CRMP1: variants seen among roughly 807,000 people sequenced by gnomAD.
The protein encoded by CRMP1 is dihydropyrimidinase-related protein 1.
A neutral mutation model predicts 68.3 loss-of-function variants in CRMP1; 19 were observed. The ratio of observed to expected loss-of-function variants is 0.28; its 90% confidence interval spans 0.19 to 0.41. The LOEUF is 0.41. Ranked by LOEUF, CRMP1 falls within the 10% of genes least tolerant of loss-of-function variation. CRMP1 has a pLI of 1.00. For missense variants in CRMP1, 791 were observed against 967.4 expected (o/e 0.82, Z 2.42); for synonymous variants, 439 against 399.6 (o/e 1.10, Z -1.18).
In CRMP1 at chr4:5,890,853, A is replaced by G. The variant is rs1715909509; in HGVS notation, c.381+1736T>C. ...TCCTTGGGACAGCTACGGGCCGTGC[A>G]CAAAGCGCCCTCGCCTCCCTAGTAC... On this transcript the variant is annotated intron_variant, in intron 1 of 13. Transcript: ENST00000324989. This position sits in a 1 kb window ranked among gnomAD's most constrained non-coding sequence, Gnocchi z 5.5. Among the ~76,000 whole-genome samples the G allele has an allele frequency of 6.6e-6, 1 of 152,114 alleles. No individual in the cohort carries two copies. The highest frequency in any genetic ancestry group is 2.1e-4 in the South Asian group (1 of 4,828).
Position 5,860,893 on chromosome 4 carries a change from A to G in CRMP1, c.655+133T>C. 1.2e-6 allele frequency: 1 copy of G among 865,586 alleles called. No individual in the cohort carries two copies. The highest frequency in any genetic ancestry group is 2.8e-5 in the Admixed American group (1 of 35,202). The allele number at this position is 865,586 out of a possible 1,614,324, so 53.6% of individuals were successfully genotyped here. A position where few individuals can be genotyped will look rare whatever the true frequency, so the allele number is the denominator to read the frequency against. ...TCTGTAAAACAGTGACCTGTGTCAT[A>G]GGGCTGGGGGGAGAATGAAATCCAA... On this transcript the variant is annotated intron_variant, in intron 3 of 13. Transcript: ENST00000324989. The surrounding 1 kb of genome is among the most constrained non-coding windows in gnomAD (Gnocchi z 4.2).
At chr4:5,875,619 A>G (rs1453774811) in intron 1 of CRMP1, among the ~76,000 whole-genome samples, 1 of 152,070 alleles carries the variant, frequency 6.6e-6, no homozygotes, top group African/African-American at 2.4e-5. Flanking sequence ...AAATTGGGAG[A>G]GGAGAAGGGA....
rs889076585 is a variant in CRMP1 at position 5,821,337 on chromosome 4, G to C, written c.*423C>G. 1.2e-5 allele frequency: 2 copies of C among 169,562 alleles called. No homozygotes were observed. Among genetic ancestry groups the C allele is most frequent in the African/African-American group, 4.7e-5 (2 of 42,574 alleles). 10.5% of individuals were successfully genotyped at this position (169,562 alleles called of 1,614,324 possible). On this transcript the variant is annotated 3_prime_UTR_variant, in exon 14 of 14. Transcript: ENST00000324989. The surrounding 1 kb of genome is among the most constrained non-coding windows in gnomAD (Gnocchi z 4.4). ...CATCGTGTCTCAGTCAGTCCTTGGC[G>C]ATGTCCCCTCAGACGCACTCACAGA...
At position 5,892,614 on chromosome 4, in the gene CRMP1, A is replaced by AGGTCGCG; in HGVS notation, c.349_355dup (p.Leu119ProfsTer13). ...CTGGCCATTGTCCCGGCCGAGGGGC[A>AGGTCGCG]GGTCGCGGGGCGCGGGGCGGCGGAT... On this transcript the variant is annotated frameshift_variant, in exon 1 of 14. Transcript: ENST00000324989. LOFTEE classifies it high-confidence loss of function. The surrounding 1 kb of genome is among the most constrained non-coding windows in gnomAD (Gnocchi z 8.6). 1.7e-6 allele frequency: 2 copies of AGGTCGCG among 1,187,904 alleles called. No individual in the cohort carries two copies. Among genetic ancestry groups the AGGTCGCG allele is most frequent in the Non-Finnish European group, 2.1e-6 (2 of 959,746 alleles). The allele number at this position is 1,187,904 out of a possible 1,614,324, so 73.6% of individuals were successfully genotyped here. A position where few individuals can be genotyped will look rare whatever the true frequency, so the allele number is the denominator to read the frequency against.
In CRMP1 at chr4:5,828,568, A is replaced by G; in HGVS notation, c.1724T>C (p.Val575Ala). 1.2e-6 allele frequency: 2 copies of G among 1,614,132 alleles called. No individual in the cohort carries two copies. The highest frequency in any genetic ancestry group is 1.7e-6 in the Non-Finnish European group (2 of 1,180,024). ...AATGAAGCGGCCCATGCCCTTGTTGACGTTGATGTTTCCGTCTTCAAAGAC... is the reference window on the plus strand; with the variant it reads ...AATGAAGCGGCCCATGCCCTTGTTGGCGTTGATGTTTCCGTCTTCAAAGAC... ...KIVFEDGNIN[V>A]NKGMGRFIPR... Residue 575 changes from valine to alanine, a missense_variant, in exon 12 of 14, where the codon GTC (valine) becomes GCC (alanine). Val to Ala is a moderately conservative substitution (Grantham distance 64). Around this residue, in one of 3 missense-constraint regions of CRMP1, gnomAD observed 594 missense variants for 763.6 expected, o/e 0.78. Transcript: ENST00000324989.
chr4:5,857,917 T>C (rs896456228), intron 3 of CRMP1, among the ~76,000 whole-genome samples: 7 of 152,140 alleles, frequency 4.6e-5, no homozygotes, highest in African/African-American at 1.7e-4. Flanking sequence ...CCCTTGAGGC[T>C]TACTGCCCTG....
intron 2 of CRMP1, among the ~76,000 whole-genome samples, chr4:5,862,326 T>C (rs1713637697): frequency 6.8e-6 from 1 of 147,866 alleles, no homozygotes; most frequent in Admixed American, 6.6e-5. Flanking sequence ...ACCCCCAGAA[T>C]GTCCACCGCC....
rs774162215 is a variant in CRMP1 at position 5,825,456 on chromosome 4, T to C, written c.1969+38A>G. 5 of 1,535,124 alleles carry C rather than the reference T, an allele frequency of 3.3e-6. No individual in the cohort carries two copies. Among genetic ancestry groups the C allele is most frequent in the Middle Eastern group, 1.7e-4 (1 of 5,764 alleles). On this transcript the variant is annotated intron_variant, in intron 13 of 13. Transcript: ENST00000324989. This position sits in a 1 kb window ranked among gnomAD's most constrained non-coding sequence, Gnocchi z 4.4. ...GCAGGAAGGACTCGGCCTGAACTGC[T>C]GCAATTGTGGGGAGCCTGGGCCACC...
rs987547983 is a variant in CRMP1, at chr4:5,881,067, T to C, written c.381+11522A>G. On this transcript the variant is annotated intron_variant, in intron 1 of 13. Transcript: ENST00000324989. The surrounding 1 kb of genome is among the most constrained non-coding windows in gnomAD (Gnocchi z 4.6). Reference sequence around the variant, plus strand: ...AGGAGGAGGAATCCTTTATAGAGAATGGACACAGCTGATACAAAGGCAGAG... The same window carrying C: ...AGGAGGAGGAATCCTTTATAGAGAACGGACACAGCTGATACAAAGGCAGAG... Among the ~76,000 whole-genome samples, 17 of 152,198 alleles carry C rather than the reference T, an allele frequency of 1.1e-4. No individual in the cohort carries two copies. Among genetic ancestry groups the C allele is most frequent in the African/African-American group, 3.6e-4 (15 of 41,454 alleles).
At chr4:5,875,665 A>C (rs1426539572) in intron 1 of CRMP1, among the ~76,000 whole-genome samples, 1 of 152,242 alleles carries the variant, frequency 6.6e-6, no homozygotes, top group Admixed American at 6.5e-5. Flanking sequence ...ATACAGAGAC[A>C]CGGTCTTCTG....
chr4:5,848,009 C>T (rs898870344), intron 6 of CRMP1, among the ~76,000 whole-genome samples: 3 of 152,168 alleles, frequency 2.0e-5, no homozygotes, highest in Admixed American at 6.6e-5. Flanking sequence ...TCTTTCTCTT[C>T]TTCCTCCACC....
At chr4:5,839,381 T>A in intron 9 of CRMP1, 141 bp downstream of exon 9, 1 of 1,035,656 alleles carries the variant, frequency 9.7e-7, no homozygotes, top group Non-Finnish European at 1.4e-6. Flanking sequence ...GTAAGCCATA[T>A]GAGCGCAGTC....
rs2152457558 is a variant in CRMP1 at position 5,834,396 on chromosome 4, A to C, written c.1623+1519T>G. ...TTATTGTGAGACTGGGCTTGTTATA[A>C]AAGCAAATTCAGCGTCCTCTTGATA... On this transcript the variant is annotated intron_variant, in intron 11 of 13. Transcript: ENST00000324989. This position sits in a 1 kb window ranked among gnomAD's most constrained non-coding sequence, Gnocchi z 4.3. Among the ~76,000 whole-genome samples, 1 of 152,344 alleles carries C rather than the reference A, an allele frequency of 6.6e-6. No homozygotes were observed. Among genetic ancestry groups the C allele is most frequent in the East Asian group, 1.9e-4 (1 of 5,178 alleles).
rs13143497 is a variant in CRMP1, at chr4:5,883,249, T to A, written c.381+9340A>T. 4.2e-4 allele frequency among the ~76,000 whole-genome samples: 22 copies of A among 52,202 alleles called. No individual in the cohort carries two copies. Among genetic ancestry groups the A allele is most frequent in the Non-Finnish European group, 7.9e-4 (16 of 20,158 alleles). The allele number at this position is 52,202 out of a possible 152,430, so 34.2% of individuals were successfully genotyped here. A position where few individuals can be genotyped will look rare whatever the true frequency, so the allele number is the denominator to read the frequency against. On this transcript the variant is annotated intron_variant, in intron 1 of 13. Transcript: ENST00000324989. This position sits in a 1 kb window ranked among gnomAD's most constrained non-coding sequence, Gnocchi z 4.5. ...CTGCCTGCTTTCCTTCCTTCCTTCC[T>A]TCCTTCCTTCCTCCCTCCCTCCCTC...
At position 5,828,295 on chromosome 4, in the gene CRMP1, G is replaced by A. The variant is rs148331242; in HGVS notation, c.1803+194C>T. ...GTTTGCAAAGCCCTGGAACTTGCAT[G>A]TCCTCATTTGATGCTCACTCCTGTC... is the stretch of plus-strand genomic sequence containing the variant. On this transcript the variant is annotated intron_variant, in intron 12 of 13. Coordinates refer to ENST00000324989, the MANE Select transcript of CRMP1 (RefSeq NM_001014809.3). The A allele has an allele frequency of 1.1e-3, 1,096 of 984,800 alleles. 5 individuals are homozygous for A. In the African/African-American group the frequency reaches 0.017, roughly 15 times the overall value. The allele number at this position is 984,800 out of a possible 1,614,324, so 61.0% of individuals were successfully genotyped here.
chr4:5,824,178 G>T (rs541646201), intron 13 of CRMP1: 5 of 383,240 alleles, frequency 1.3e-5, no homozygotes, highest in Non-Finnish European at 1.8e-5. Context: ...CATAACTCCA[G>T]AACAGTGGTC....
Position 5,868,221 on chromosome 4 carries a change from G to C in CRMP1, c.382-1465C>G, listed in dbSNP as rs1027720248. Reference sequence around the variant, plus strand: ...CTGTCCTTTCTGCATTTTACCATAAGCACATCCCAACTTGCCGCACATTCT... The same window carrying C: ...CTGTCCTTTCTGCATTTTACCATAACCACATCCCAACTTGCCGCACATTCT... On this transcript the variant is annotated intron_variant, in intron 1 of 13. Coordinates refer to ENST00000324989, the MANE Select transcript of CRMP1 (RefSeq NM_001014809.3). Among the ~76,000 whole-genome samples the C allele has an allele frequency of 2.1e-5, 3 of 141,718 alleles. No homozygotes were observed. In the East Asian group the frequency reaches 6.3e-4, roughly 30 times the overall value. The allele number at this position is 141,718 out of a possible 152,430, so 93.0% of individuals were successfully genotyped here.
At chr4:5,851,747 A>T (rs1399998661) in intron 4 of CRMP1, among the ~76,000 whole-genome samples, 1 of 149,272 alleles carries the variant, frequency 6.7e-6, no homozygotes, top group Non-Finnish European at 1.5e-5. Context: ...AGGAGGAGGA[A>T]GAGGAGAAGG....
At chr4:5,867,832 A>T (rs188584349) in intron 1 of CRMP1, among the ~76,000 whole-genome samples, 3,378 of 152,018 alleles carry the variant, frequency 0.022, 56 homozygotes, top group South Asian at 0.059. Context: ...GAGTCTATTT[A>T]TACTTCCTAT....
Sources: allele counts gnomAD v4.1 joint callset (sites outside exome capture counted in the v4.1 genomes callset), GRCh38; gene constraint gnomAD v4.1.1; regional missense constraint gnomAD v4.1.1; non-coding constraint Gnocchi (gnomAD v3.1); transcripts MANE v1.5; gene names NCBI Gene and HGNC (gene_info 2026-07-23, HGNC 2026-07-21).